WWOX: variants seen among roughly 807,000 people sequenced by gnomAD.
WWOX encodes the protein WW domain-containing oxidoreductase.
A neutral mutation model predicts 46.2 loss-of-function variants in WWOX; 69 were observed. That is an observed-to-expected ratio of 1.49 (90% CI 1.23 to 1.82). The LOEUF (loss-of-function observed/expected upper bound fraction) is 1.82. WWOX is among the 40% of genes most tolerant of loss of function. The probability of loss-of-function intolerance (pLI) is 0.00; values close to 1 mark genes in which losing one functional copy is unlikely to be tolerated. For synonymous variants in WWOX, 359 were observed against 202.6 expected, an observed-to-expected ratio of 1.77 and a Z score of -6.56; for missense variants, 919 against 542.6, an observed-to-expected ratio of 1.69 and a Z score of -6.89.
intron 8 of WWOX, among the ~76,000 whole-genome samples, chr16:78,448,190 G>A (rs1194048300): frequency 6.6e-6 from 1 of 152,176 alleles, no homozygotes; most frequent in Non-Finnish European, 1.5e-5. Context: ...ACTGGCCTGT[G>A]AGTATGTGGT....
chr16:79,110,287 C>G (rs950298419), intron 8 of WWOX, among the ~76,000 whole-genome samples: 1 of 152,142 alleles, frequency 6.6e-6, no homozygotes. Flanking sequence ...CTCCTACTTC[C>G]CCGCCACCTC....
intron 8 of WWOX, among the ~76,000 whole-genome samples, chr16:78,955,944 G>A (rs1231809853): frequency 1.3e-5 from 2 of 151,158 alleles, no homozygotes; most frequent in African/African-American, 4.9e-5. Context: ...CACCATGCCT[G>A]GCCTCTGGCC....
intron 8 of WWOX, among the ~76,000 whole-genome samples, chr16:78,762,539 G>A (rs1349920690): frequency 6.6e-6 from 1 of 152,202 alleles, no homozygotes; most frequent in Non-Finnish European, 1.5e-5. Context: ...GCAAAATTCA[G>A]AGCATAGGGC....
chr16:78,487,242 T>C (rs1268908289), intron 8 of WWOX, among the ~76,000 whole-genome samples: 2 of 152,088 alleles, frequency 1.3e-5, no homozygotes, highest in Non-Finnish European at 2.9e-5. Flanking sequence ...CTCCCCATCT[T>C]GAACATGTTG....
At chr16:79,074,857 A>T (rs2048624319) in intron 8 of WWOX, among the ~76,000 whole-genome samples, 1 of 148,546 alleles carries the variant, frequency 6.7e-6, no homozygotes, top group African/African-American at 2.5e-5. Flanking sequence ...AAGGCTTTTG[A>T]TTTTAGTTTT....
At chr16:78,768,595 A>G (rs1424331065) in intron 8 of WWOX, among the ~76,000 whole-genome samples, 1 of 94,786 alleles carries the variant, frequency 1.1e-5, no homozygotes, top group Non-Finnish European at 2.4e-5. Flanking sequence ...ATCTCGAGGA[A>G]AAAAAAAAAA....
intron 8 of WWOX, among the ~76,000 whole-genome samples, chr16:78,900,591 C>A (rs1330264683): frequency 1.3e-5 from 2 of 152,136 alleles, no homozygotes; most frequent in East Asian, 3.9e-4. Flanking sequence ...AACCAGTACA[C>A]AAACCACAAA....
At chr16:78,935,233 A>C (rs2045710963) in intron 8 of WWOX, among the ~76,000 whole-genome samples, 1 of 152,170 alleles carries the variant, frequency 6.6e-6, no homozygotes, top group African/African-American at 2.4e-5. Flanking sequence ...ATACCATTTG[A>C]CCCAGCCATC....
chr16:78,893,157 A>G (rs1334692346), intron 8 of WWOX, among the ~76,000 whole-genome samples: 1 of 152,038 alleles, frequency 6.6e-6, no homozygotes, highest in Non-Finnish European at 1.5e-5. Flanking sequence ...CAGGGTCACA[A>G]AGACACACGA....
intron 8 of WWOX, among the ~76,000 whole-genome samples, chr16:78,833,857 C>G (rs868044289): frequency 1.3e-5 from 2 of 152,232 alleles, no homozygotes; most frequent in Admixed American, 1.3e-4. Context: ...CTGGCTCATG[C>G]GTTTCATGCC....
chr16:79,008,542 A>T (rs1470411328), intron 8 of WWOX, among the ~76,000 whole-genome samples: 1 of 152,124 alleles, frequency 6.6e-6, no homozygotes, highest in East Asian at 1.9e-4. Flanking sequence ...GCCATCTTGA[A>T]TCCTGACTAC....
intron 2 of WWOX, 92 bp downstream of exon 2, chr16:78,108,579 T>A: frequency 7.0e-7 from 1 of 1,427,734 alleles, no homozygotes; most frequent in South Asian, 1.2e-5. Flanking sequence ...ATTGTGTGTT[T>A]AGGGAGGGCT....
intron 8 of WWOX, among the ~76,000 whole-genome samples, chr16:78,662,360 C>G (rs1109876): frequency 2.0e-5 from 3 of 152,000 alleles, no homozygotes; most frequent in East Asian, 1.9e-4. Context: ...TAAGAGAGCG[C>G]AATGAGACAT....
chr16:78,530,882 G>A (rs533161774), intron 8 of WWOX, among the ~76,000 whole-genome samples: 164 of 152,256 alleles, frequency 1.1e-3, no homozygotes, highest in African/African-American at 3.9e-3. Context: ...TGTGCTAAAC[G>A]TTTTACAACA....
At chr16:78,359,759 A>G (rs2081370162) in intron 5 of WWOX, among the ~76,000 whole-genome samples, 1 of 152,222 alleles carries the variant, frequency 6.6e-6, no homozygotes, top group South Asian at 2.1e-4. Flanking sequence ...GATGTTGAGA[A>G]GCTCATAATT....
intron 8 of WWOX, among the ~76,000 whole-genome samples, chr16:78,850,504 A>G (rs188578435): frequency 6.6e-6 from 1 of 152,332 alleles, no homozygotes; most frequent in East Asian, 1.9e-4. Flanking sequence ...TACCGTTTAT[A>G]GTTTTTTTAC....
intron 8 of WWOX, among the ~76,000 whole-genome samples, chr16:78,773,232 A>G (rs1249844851): frequency 6.6e-6 from 1 of 152,158 alleles, no homozygotes; most frequent in African/African-American, 2.4e-5. Context: ...ATTAATAAGT[A>G]GAGCCCGAGT....
At position 79,137,752 on chromosome 16, in the gene WWOX, G is replaced by A. The variant is rs929409378; in HGVS notation, c.1057-73856G>A. On this transcript the variant is annotated intron_variant, in intron 8 of 8. Transcript: ENST00000566780. ...CCCACTCCTCCTGCTCTCCAGCCTG[G>A]CCTCTGTCCCCTCTGTGTTCCTCCC... 3.3e-5 allele frequency among the ~76,000 whole-genome samples: 5 copies of A among 151,942 alleles called. No individual in the cohort carries two copies. The East Asian group carries it at 9.8e-4, about 30-fold the overall frequency.
chr16:78,356,585 T>C (rs1443059704), intron 5 of WWOX, among the ~76,000 whole-genome samples: 1 of 152,096 alleles, frequency 6.6e-6, no homozygotes, highest in Non-Finnish European at 1.5e-5. Context: ...GACTATCACA[T>C]GGAAACAAAA....
Sources: allele counts gnomAD v4.1 joint callset (sites outside exome capture counted in the v4.1 genomes callset), GRCh38; gene constraint gnomAD v4.1.1; transcripts MANE v1.5; gene names NCBI Gene and HGNC (gene_info 2026-07-23, HGNC 2026-07-21).